PCDHGA2: variants seen among roughly 807,000 people sequenced by gnomAD.
The protein encoded by PCDHGA2 is protocadherin gamma subfamily A, 2, also known as protocadherin gamma-A2.
A neutral mutation model predicts 59.2 loss-of-function variants in PCDHGA2; 40 were observed. The observed-to-expected ratio is 0.68, with a 90% confidence interval of 0.52 to 0.88. The LOEUF is 0.88. Among genes scored for constraint, PCDHGA2 ranks in the 40% least tolerant of loss-of-function variants. PCDHGA2 has a pLI of 0.00. For synonymous variants in PCDHGA2, 560 were observed against 526.0 expected (o/e 1.06, Z -0.89); for missense variants, 1,226 against 1,204.0 (o/e 1.02, Z -0.27).
At chr5:141,395,516 G>A (rs1402459220) in intron 1 of PCDHGA2, 1 of 407,820 alleles carries the variant, frequency 2.5e-6, no homozygotes, top group Non-Finnish European at 4.4e-6. Context: ...GTAGCTACCC[G>A]TCCATACTGG....
intron 1 of PCDHGA2, among the ~76,000 whole-genome samples, chr5:141,465,995 A>G (rs551920109): frequency 1.4e-3 from 208 of 151,976 alleles, no homozygotes; most frequent in African/African-American, 4.8e-3. Context: ...GGTGGCAGGC[A>G]CCTGTAGTCC....
intron 1 of PCDHGA2, chr5:141,359,902 C>G: frequency 2.5e-6 from 1 of 408,138 alleles, no homozygotes; most frequent in East Asian, 3.6e-5. Context: ...ATTGACAAGC[C>G]ATTAGTGCAG....
chr5:141,366,104 G>T (rs1764329842), intron 1 of PCDHGA2: 1 of 1,614,250 alleles, frequency 6.2e-7, no homozygotes, highest in Non-Finnish European at 8.5e-7. Context: ...GACCAAGGTG[G>T]TAGCGGTGGA....
At chr5:141,430,682 C>A (rs2097302907) in intron 1 of PCDHGA2, 1 of 1,361,564 alleles carries the variant, frequency 7.3e-7, no homozygotes, top group South Asian at 1.7e-5. Flanking sequence ...CCAACTGTCC[C>A]ATTCTATGGG....
chr5:141,346,161 G>A (rs745349592), intron 1 of PCDHGA2: 3 of 1,614,026 alleles, frequency 1.9e-6, no homozygotes, highest in East Asian at 2.2e-5. Flanking sequence ...CTTCGTCATC[G>A]TGCTGCTGGC....
intron 1 of PCDHGA2, chr5:141,364,631 C>T: frequency 6.2e-7 from 1 of 1,614,122 alleles, no homozygotes; most frequent in African/African-American, 1.3e-5. Flanking sequence ...TCAGAGCCCA[C>T]TGTGTGTGGT....
In PCDHGA2 at chr5:141,339,926, A is replaced by G; in HGVS notation, c.955A>G (p.Ile319Val). ...GGATGCTACATTCCATGAAATTGAT[A>G]TTGAAGCTCAGGATGGTCCGGGCCT... ...YEDATFHEIDIEAQDGPGLLT... is the reference protein window; with the variant it reads ...YEDATFHEIDVEAQDGPGLLT... The change falls in exon 1 of 4, where the codon ATT becomes GTT. Residue 319 changes from isoleucine to valine, a missense_variant. Transcript: ENST00000394576. 4 of 1,614,176 alleles carry G rather than the reference A, an allele frequency of 2.5e-6. No individual in the cohort carries two copies. Among genetic ancestry groups the G allele is most frequent in the Non-Finnish European group, 3.4e-6 (4 of 1,180,008 alleles).
intron 1 of PCDHGA2, chr5:141,388,729 G>A (rs1407038729): frequency 6.2e-7 from 1 of 1,614,012 alleles, no homozygotes; most frequent in Non-Finnish European, 8.5e-7. Flanking sequence ...TTCTCTTTCA[G>A]TGAAGCTAGC....
At position 141,494,841 on chromosome 5, in the gene PCDHGA2, A is replaced by G. The variant is rs1163193977; in HGVS notation, c.2459A>G (p.Gln820Arg). ...APPNTDWRFS[Q>R]AQRPGTSGSQ... ...CCCAACACGGACTGGCGTTTCTCTC[A>G]GGCCCAGAGACCCGGCACCAGCGGG... The change falls in exon 2 of 4, where the codon CAG (glutamine) becomes CGG (arginine). Residue 820 changes from glutamine to arginine, a missense_variant. Gln to Arg is a conservative substitution (Grantham distance 43). Coordinates refer to ENST00000394576, the MANE Select transcript of PCDHGA2 (RefSeq NM_018915.4). 1 of 1,613,996 alleles carries G rather than the reference A, an allele frequency of 6.2e-7. No homozygotes were observed. The highest frequency in any genetic ancestry group is 1.1e-5 in the South Asian group (1 of 91,074).
intron 1 of PCDHGA2, among the ~76,000 whole-genome samples, chr5:141,382,211 G>A (rs1778048764): frequency 6.6e-6 from 1 of 152,054 alleles, no homozygotes; most frequent in African/African-American, 2.4e-5. Flanking sequence ...ATTAAAATAG[G>A]TCTATATATT....
At position 141,511,140 on chromosome 5, in the gene PCDHGA2, C is replaced by G. The variant is rs1405623579; in HGVS notation, c.2766C>G (p.Asn922Lys). Residue 922 changes from asparagine (N) to lysine (K), a missense_variant, in exon 4 of 4, where the codon AAC becomes AAG. Physicochemically the swap from Asn to Lys is moderately conservative, Grantham distance 94. Transcript: ENST00000394576. ...AGGCCCCAGCAGGTGGCAATGGCAACAAGAAGAAGTCGGGCAAGAAGGAGA... is the reference window on the plus strand; with the variant it reads ...AGGCCCCAGCAGGTGGCAATGGCAAGAAGAAGAAGTCGGGCAAGAAGGAGA... Reference protein sequence around the residue: ...DGKAPAGGNGNKKKSGKKEKK With the variant: ...DGKAPAGGNGKKKKSGKKEKK 2.5e-6 allele frequency: 4 copies of G among 1,614,068 alleles called. No homozygotes were observed. Among genetic ancestry groups the G allele is most frequent in the Admixed American group, 1.7e-5 (1 of 60,008 alleles).
intron 1 of PCDHGA2, chr5:141,344,138 G>A (rs1189053152): frequency 5.0e-6 from 8 of 1,614,026 alleles, no homozygotes; most frequent in Admixed American, 1.7e-5. Flanking sequence ...GCTACTCGGT[G>A]TCTGAGGAGC....
chr5:141,440,451 A>G (rs2098179077), intron 1 of PCDHGA2: 1 of 152,230 alleles, frequency 6.6e-6, no homozygotes, highest in Non-Finnish European at 1.5e-5. Flanking sequence ...CATCTCAAAA[A>G]AAATGAACAA....
chr5:141,477,224 G>C lies in PCDHGA2; in HGVS notation c.2425-17583G>C. 6.2e-7 allele frequency: 1 copy of C among 1,614,200 alleles called. No individual in the cohort carries two copies. The highest frequency in any genetic ancestry group is 8.5e-7 in the Non-Finnish European group (1 of 1,180,046). Reference sequence around the variant, plus strand: ...ACCCGAGGATGCCCCTCTGGGGACTGTCATCGCTTTGCTCAGTGTGACTGA... The same window carrying C: ...ACCCGAGGATGCCCCTCTGGGGACTCTCATCGCTTTGCTCAGTGTGACTGA... On this transcript the variant is annotated intron_variant, in intron 1 of 3. Transcript: ENST00000394576. The surrounding 1 kb of genome is among the most constrained non-coding windows in gnomAD (Gnocchi z 4.9).
At chr5:141,415,538 G>A in intron 1 of PCDHGA2, 1 of 1,614,182 alleles carries the variant, frequency 6.2e-7, no homozygotes, top group Non-Finnish European at 8.5e-7. Flanking sequence ...AGCCAGGAGA[G>A]CTGTGAGAAA....
In PCDHGA2 at chr5:141,346,356, T is replaced by C. The variant is rs147497475; in HGVS notation, c.2424+4961T>C. On this transcript the variant is annotated intron_variant, in intron 1 of 3. Coordinates refer to ENST00000394576, the MANE Select transcript of PCDHGA2 (RefSeq NM_018915.4). The stretch of plus-strand genomic sequence containing the variant: ...CCACCTGATTTTCCCCCAGCCCAAC[T>C]ATGCGGACACGCTCATCAGCCAGGA... 413 of 1,614,176 alleles carry C rather than the reference T, an allele frequency of 2.6e-4. 2 individuals carry two copies. In the African/African-American group the frequency reaches 4.6e-3, roughly 18 times the overall value.
rs933117526 is a variant in PCDHGA2 at position 141,355,681 on chromosome 5, G to A, written c.2424+14286G>A. 11 of 1,613,908 alleles carry A rather than the reference G, an allele frequency of 6.8e-6. No individual in the cohort carries two copies. Among genetic ancestry groups the A allele is most frequent in the Non-Finnish European group, 9.3e-6 (11 of 1,179,912 alleles). On this transcript the variant is annotated intron_variant, in intron 1 of 3. Coordinates refer to ENST00000394576, the MANE Select transcript of PCDHGA2 (RefSeq NM_018915.4). ...TCCTCTTCCTGAAGCTTTTGATCCG[G>A]ATGTAGGTGTAAACTCCCTGCAGGG...
chr5:141,381,153 G>A (rs1345573365), intron 1 of PCDHGA2, among the ~76,000 whole-genome samples: 3 of 152,196 alleles, frequency 2.0e-5, no homozygotes, highest in Non-Finnish European at 4.4e-5. Context: ...GCAGAAATAG[G>A]TTACTTAGGA....
chr5:141,393,381 A>G, intron 1 of PCDHGA2: 3 of 1,614,022 alleles, frequency 1.9e-6, no homozygotes, highest in South Asian at 1.1e-5. Flanking sequence ...CAATGGAGCC[A>G]TAAACCCAGA....
Sources: gnomAD v4.1 joint callset for allele counts (sites outside exome capture counted in the v4.1 genomes callset) on GRCh38, gnomAD v4.1.1 for gene constraint, Gnocchi (gnomAD v3.1) non-coding constraint, MANE v1.5 for transcripts, NCBI Gene and HGNC (gene_info 2026-07-23, HGNC 2026-07-21) for gene names.